ATP1A1: variants seen among roughly 807,000 people sequenced by gnomAD.
ATP1A1 encodes ATPase Na+/K+ transporting subunit alpha 1.
In ATP1A1, 14 loss-of-function variants were observed where a neutral mutation model predicts 114.8. The ratio of observed to expected loss-of-function variants is 0.12; its 90% CI spans 0.08 to 0.19. ATP1A1 has a LOEUF of 0.19. ATP1A1 is among the 10% of genes least tolerant of loss of function. The probability of loss-of-function intolerance (pLI) is 1.00; values close to 1 mark genes in which losing one functional copy is unlikely to be tolerated. For synonymous variants in ATP1A1, 471 were observed against 466.3 expected (o/e 1.01, Z -0.13); for missense variants, 524 against 1,290.7 (o/e 0.41, Z 9.10).
At chr1:116,400,453 G>C (rs1000368331) in intron 18 of ATP1A1, among the ~76,000 whole-genome samples, 2 of 152,184 alleles carry the variant, frequency 1.3e-5, no homozygotes, top group Non-Finnish European at 2.9e-5. Flanking sequence ...TGCCACAGTG[G>C]CTAGAAAAAT....
In ATP1A1 at chr1:116,400,965, C is replaced by T. The variant is rs764919483; in HGVS notation, c.2677C>T (p.Arg893Cys). 2.5e-6 allele frequency: 4 copies of T among 1,614,020 alleles called. No individual in the cohort carries two copies. Among genetic ancestry groups the T allele is most frequent in the South Asian group, 1.1e-5 (1 of 91,084 alleles). The stretch of plus-strand genomic sequence containing the variant: ...GGGCCTCCGAGTGGACTGGGATGAC[C>T]GCTGGATCAACGATGTGGAAGACAG... ...LLGLRVDWDDRWINDVEDSYG... is the reference protein window; with the variant it reads ...LLGLRVDWDDCWINDVEDSYG... The change falls in exon 19 of 23, where the codon CGC becomes TGC. Residue 893 changes from arginine to cysteine, a missense_variant. Coordinates refer to ENST00000295598, the MANE Select transcript of ATP1A1 (RefSeq NM_000701.8).
At position 116,397,124 on chromosome 1, in the gene ATP1A1, G is replaced by C. The variant is rs1279766765; in HGVS notation, c.1973+390G>C. The stretch of plus-strand genomic sequence containing the variant: ...GCACCTAGCATCTTGACACTTTCCA[G>C]GTCCACACTAACAAAATAAAATAAG... On this transcript the variant is annotated intron_variant, in intron 14 of 22. Transcript: ENST00000295598. The surrounding 1 kb of genome is among the most constrained non-coding windows in gnomAD (Gnocchi z 4.2). Among the ~76,000 whole-genome samples the C allele has an allele frequency of 6.6e-6, 1 of 152,122 alleles. No homozygotes were observed. The highest frequency in any genetic ancestry group is 2.4e-5 in the African/African-American group (1 of 41,412).
chr1:116,401,724 T>C lies in ATP1A1; in HGVS notation c.2951+69T>C. ...GTGTGGCTTTTCCCCCCATTACTTG[T>C]GGTAATAGTTGTTATTTTCAGAATT... On this transcript the variant is annotated intron_variant, in intron 21 of 22. Transcript: ENST00000295598. The surrounding 1 kb of genome is among the most constrained non-coding windows in gnomAD (Gnocchi z 4.7). The C allele has an allele frequency of 2.7e-6, 4 of 1,454,736 alleles. No homozygotes were observed. The highest frequency in any genetic ancestry group is 3.8e-6 in the Non-Finnish European group (4 of 1,048,298). The allele number at this position is 1,454,736 out of a possible 1,614,324, so 90.1% of individuals were successfully genotyped here.
rs1301792207 is a variant in ATP1A1, at chr1:116,388,643, C to T, written c.507C>T (p.Ala169=). The T allele has an allele frequency of 3.1e-6, 5 of 1,613,752 alleles. No individual in the cohort carries two copies. Among genetic ancestry groups the T allele is most frequent in the Non-Finnish European group, 4.2e-6 (5 of 1,179,964 alleles). The change falls in exon 6 of 23, where the codon GCC becomes GCT. Residue 169 remains alanine (A), a synonymous_variant. Transcript: ENST00000295598. This position sits in a 1 kb window ranked among gnomAD's most constrained non-coding sequence, Gnocchi z 5.6. The part of the protein sequence containing the change: ...ESFKNMVPQQ[A]LVIRNGEKMS... ...AAATTGTTTCTTTTCCAAAGCAAGC[C>T]CTTGTGATTCGAAATGGTGAGAAAA...
rs1215913699 is a variant in ATP1A1 at position 116,381,399 on chromosome 1, A to G, written c.13-2615A>G. Among the ~76,000 whole-genome samples the G allele has an allele frequency of 6.6e-6, 1 of 152,212 alleles. No individual in the cohort carries two copies. The highest frequency in any genetic ancestry group is 2.4e-5 in the African/African-American group (1 of 41,446). ...ATTTGGTTCCCACAAGAATAAGCTA[A>G]TATTAAGTTATTATTTTACTTGTGG... On this transcript the variant is annotated intron_variant, in intron 1 of 22. Coordinates refer to ENST00000295598, the MANE Select transcript of ATP1A1 (RefSeq NM_000701.8). This position sits in a 1 kb window ranked among gnomAD's most constrained non-coding sequence, Gnocchi z 5.1.
At chr1:116,394,268 T>C (rs1241891788) in intron 12 of ATP1A1, among the ~76,000 whole-genome samples, 2 of 152,242 alleles carry the variant, frequency 1.3e-5, no homozygotes, top group Non-Finnish European at 2.9e-5. Context: ...AAGTTCACTT[T>C]ACCCATTGTC....
rs765744789 is a variant in ATP1A1, at chr1:116,390,773, C to T, written c.1223-9C>T. The T allele has an allele frequency of 1.1e-5, 17 of 1,611,572 alleles. No homozygotes were observed. In the Admixed American group the frequency reaches 2.8e-4, roughly 27 times the overall value. ...TTGTTGTTCTGTTGTGTTTTCTTGC[C>T]TCCATCAGGTGTCTCTTTTGACAAG... On this transcript the variant is annotated splice_polypyrimidine_tract_variant and intron_variant, in intron 9 of 22. Coordinates refer to ENST00000295598, the MANE Select transcript of ATP1A1 (RefSeq NM_000701.8).
Position 116,401,116 on chromosome 1 carries a change from C to T in ATP1A1, c.2719-14C>T. The T allele has an allele frequency of 1.2e-6, 2 of 1,614,168 alleles. No homozygotes were observed. The highest frequency in any genetic ancestry group is 2.2e-5 in the East Asian group (1 of 44,886). ...TGAAGAGCCAGAGCTCATCTTCTGT[C>T]TTCTGCATTTCAGACCTATGAGCAG... On this transcript the variant is annotated splice_polypyrimidine_tract_variant and intron_variant, in intron 19 of 22. Coordinates refer to ENST00000295598, the MANE Select transcript of ATP1A1 (RefSeq NM_000701.8). The surrounding 1 kb of genome is among the most constrained non-coding windows in gnomAD (Gnocchi z 4.7).
In ATP1A1 at chr1:116,401,735, G is replaced by C; in HGVS notation, c.2951+80G>C. The C allele has an allele frequency of 3.5e-6, 5 of 1,419,574 alleles. 1 individual carries two copies. In the South Asian group the frequency reaches 6.1e-5, roughly 17 times the overall value. The allele number at this position is 1,419,574 out of a possible 1,614,324, so 87.9% of individuals were successfully genotyped here. A position where few individuals can be genotyped will look rare whatever the true frequency, so the allele number is the denominator to read the frequency against. Reference sequence around the variant, plus strand: ...CCCCCCATTACTTGTGGTAATAGTTGTTATTTTCAGAATTTTGAGTGGTAT... The same window carrying C: ...CCCCCCATTACTTGTGGTAATAGTTCTTATTTTCAGAATTTTGAGTGGTAT... On this transcript the variant is annotated intron_variant, in intron 21 of 22. Coordinates refer to ENST00000295598, the MANE Select transcript of ATP1A1 (RefSeq NM_000701.8). This position sits in a 1 kb window ranked among gnomAD's most constrained non-coding sequence, Gnocchi z 4.7.
In ATP1A1 at chr1:116,388,758, G is replaced by T. The variant is rs775593117; in HGVS notation, c.622G>T (p.Ala208Ser). ...TCCTGCTGACCTCAGAATCATATCTGCAAATGGCTGCAAGGTAGCTCTTTT... is the reference window on the plus strand; with the variant it reads ...TCCTGCTGACCTCAGAATCATATCTTCAAATGGCTGCAAGGTAGCTCTTTT... ...RIPADLRIIS[A>S]NGCKVDNSSL... The change falls in exon 6 of 23, where the codon GCA (alanine) becomes TCA (serine). Residue 208 changes from alanine to serine, a missense_variant. By Grantham distance (99) the Ala-to-Ser change is moderately conservative. This residue lies in a region of ATP1A1 where 141 missense variants were observed against 316.6 expected (regional missense o/e 0.45). Coordinates refer to ENST00000295598, the MANE Select transcript of ATP1A1 (RefSeq NM_000701.8). The surrounding 1 kb of genome is among the most constrained non-coding windows in gnomAD (Gnocchi z 5.6). The T allele has an allele frequency of 1.9e-6, 3 of 1,614,118 alleles. No individual in the cohort carries two copies. The highest frequency in any genetic ancestry group is 2.5e-6 in the Non-Finnish European group (3 of 1,180,042).
intron 1 of ATP1A1, chr1:116,374,194 C>T (rs1651197193): frequency 1.9e-6 from 3 of 1,550,602 alleles, no homozygotes; most frequent in Admixed American, 2.0e-5. Flanking sequence ...GCTGGGCGGG[C>T]TGGTGCCAGA....
rs2101044095 is a variant in ATP1A1, at chr1:116,388,466, A to G, written c.502-172A>G. ...AATACAGGCACACCATGTAACAGCAATATCTCTTAAACTGGCGAGCAAGCT... is the reference window on the plus strand; with the variant it reads ...AATACAGGCACACCATGTAACAGCAGTATCTCTTAAACTGGCGAGCAAGCT... On this transcript the variant is annotated intron_variant, in intron 5 of 22. Coordinates refer to ENST00000295598, the MANE Select transcript of ATP1A1 (RefSeq NM_000701.8). This position sits in a 1 kb window ranked among gnomAD's most constrained non-coding sequence, Gnocchi z 5.6. 5 of 1,025,160 alleles carry G rather than the reference A, an allele frequency of 4.9e-6. No homozygotes were observed. The highest frequency in any genetic ancestry group is 1.7e-5 in the South Asian group (1 of 59,908). The allele number at this position is 1,025,160 out of a possible 1,614,324, so 63.5% of individuals were successfully genotyped here.
rs758792227 is a variant in ATP1A1 at position 116,397,883 on chromosome 1, T to A, written c.1974-5T>A. On this transcript the variant is annotated splice_region_variant and splice_polypyrimidine_tract_variant and intron_variant, in intron 14 of 22. Transcript: ENST00000295598. The surrounding 1 kb of genome is among the most constrained non-coding windows in gnomAD (Gnocchi z 4.2). ...ACTTTTTTTTTTTTTTTGTCCTAAT[T>A]CTAGGGATGCCAAGGCCTGCGTAGT... The A allele has an allele frequency of 6.2e-7, 1 of 1,601,700 alleles. No homozygotes were observed. The highest frequency in any genetic ancestry group is 1.7e-5 in the Admixed American group (1 of 58,128).
chr1:116,398,696 A>G lies in ATP1A1; in HGVS notation c.2200A>G (p.Met734Val), dbSNP rs1221578816. The change falls in exon 16 of 23, where the codon ATG becomes GTG. Residue 734 changes from methionine (M) to valine (V), a missense_variant. By Grantham distance (21) the Met-to-Val change is conservative (BLOSUM62 1). Transcript: ENST00000295598. The surrounding 1 kb of genome is among the most constrained non-coding windows in gnomAD (Gnocchi z 6.1). ...ALKKADIGVA[M>V]GIAGSDVSKQ... ...GAAGAAAGCAGACATTGGGGTTGCT[A>G]TGGGGATTGCTGGCTCAGATGTGTC... The G allele has an allele frequency of 6.2e-7, 1 of 1,614,180 alleles. No individual in the cohort carries two copies.
rs1653759705 is a variant in ATP1A1 at position 116,403,974 on chromosome 1, C to A, written c.3042C>A (p.Gly1014=). ...VRKLIIRRRP[G]GWVEKETYY is the part of the protein sequence containing the mutation. Reference sequence around the variant, plus strand: ...AACTCATCATCAGGCGACGCCCTGGCGGTAATTATGGGCATTCTGACTTTG... The same window carrying A: ...AACTCATCATCAGGCGACGCCCTGGAGGTAATTATGGGCATTCTGACTTTG... Residue 1014 remains glycine (G), a splice_region_variant and synonymous_variant, in exon 22 of 23, where the codon GGC becomes GGA. Transcript: ENST00000295598. 2 of 1,613,338 alleles carry A rather than the reference C, an allele frequency of 1.2e-6. No homozygotes were observed. The highest frequency in any genetic ancestry group is 2.2e-5 in the South Asian group (2 of 91,020).
At position 116,401,773 on chromosome 1, in the gene ATP1A1, C is replaced by A; in HGVS notation, c.2951+118C>A. 2.0e-6 allele frequency: 2 copies of A among 1,013,360 alleles called. No homozygotes were observed. The highest frequency in any genetic ancestry group is 3.0e-6 in the Non-Finnish European group (2 of 672,380). 62.8% of individuals were successfully genotyped at this position (1,013,360 alleles called of 1,614,324 possible). A position where few individuals can be genotyped will look rare whatever the true frequency, so the allele number is the denominator to read the frequency against. ...TTTTGAGTGGTATGTACAAAAATTC[C>A]TATGGGTTGGAAAACTGTGAAAGCT... is the stretch of plus-strand genomic sequence containing the variant. On this transcript the variant is annotated intron_variant, in intron 21 of 22. Transcript: ENST00000295598. This position sits in a 1 kb window ranked among gnomAD's most constrained non-coding sequence, Gnocchi z 4.7.
intron 14 of ATP1A1, 96 bp downstream of exon 14, chr1:116,396,830 C>A: frequency 3.6e-6 from 5 of 1,396,638 alleles, no homozygotes; most frequent in Non-Finnish European, 4.7e-6. Context: ...TGCATCTAGG[C>A]TTGCTCTGAG....
chr1:116,388,782 T>C lies in ATP1A1; in HGVS notation c.636+10T>C. 1 of 1,613,994 alleles carries C rather than the reference T, an allele frequency of 6.2e-7. No homozygotes were observed. The highest frequency in any genetic ancestry group is 1.1e-5 in the South Asian group (1 of 91,036). On this transcript the variant is annotated intron_variant, in intron 6 of 22. Transcript: ENST00000295598. This position sits in a 1 kb window ranked among gnomAD's most constrained non-coding sequence, Gnocchi z 5.6. ...TGCAAATGGCTGCAAGGTAGCTCTT[T>C]TATTTTAACAAACCTCATAGCTAGC...
intron 10 of ATP1A1, 38 bp downstream of exon 10, chr1:116,390,929 G>C: frequency 1.6e-5 from 25 of 1,552,034 alleles, no homozygotes; most frequent in Non-Finnish European, 2.1e-5. Flanking sequence ...GATGTAGACA[G>C]CACATGAGAA....
Sources: gnomAD v4.1 joint callset for allele counts (sites outside exome capture counted in the v4.1 genomes callset) on GRCh38, gnomAD v4.1.1 for gene constraint, gnomAD v4.1.1 regional missense constraint, Gnocchi (gnomAD v3.1) non-coding constraint, MANE v1.5 for transcripts, NCBI Gene and HGNC (gene_info 2026-07-23, HGNC 2026-07-21) for gene names.